The following SP4 variants were observed in gnomAD, a reference collection of about 807,000 sequenced individuals.
SP4 encodes the protein transcription factor Sp4.
In SP4, 19 loss-of-function variants were observed where a neutral mutation model predicts 72.8. The observed-to-expected ratio is 0.26, with a 90% confidence interval of 0.18 to 0.38. The LOEUF (loss-of-function observed/expected upper bound fraction) is 0.38, where lower values mean the gene tolerates loss of function less well. SP4 is among the 10% of genes least tolerant of loss of function. The pLI is 1.00. For synonymous variants in SP4, 395 were observed against 333.1 expected, an observed-to-expected ratio of 1.19 and a Z score of -2.02; for missense variants, 1,008 against 926.3, an observed-to-expected ratio of 1.09 and a Z score of -1.14.
intron 5 of SP4, among the ~76,000 whole-genome samples, chr7:21,503,217 A>G (rs10234568): frequency 6.6e-6 from 1 of 152,202 alleles, no homozygotes; most frequent in Non-Finnish European, 1.5e-5. Context: ...AAGGGATGAC[A>G]GGGTGGAGTA....
At position 21,477,295 on chromosome 7, in the gene SP4, AAGG is replaced by A; in HGVS notation, c.1898_1900del (p.Gly633del). ...GCCTGTTCCTGTCCTAATTGTAGGG[AAGG>A]AGAAGGAAGGTAAATGCTGTATTTT... On this transcript the variant is annotated inframe_deletion, in exon 4 of 6. Coordinates refer to ENST00000222584, the MANE Select transcript of SP4 (RefSeq NM_003112.5). 6.2e-7 allele frequency: 1 copy of A among 1,606,510 alleles called. No homozygotes were observed. Among genetic ancestry groups the A allele is most frequent in the Middle Eastern group, 1.7e-4 (1 of 6,048 alleles).
At chr7:21,490,415 AC>A (rs1454863641) in intron 5 of SP4, among the ~76,000 whole-genome samples, 2 of 152,194 alleles carry the variant, frequency 1.3e-5, no homozygotes, top group African/African-American at 4.8e-5. Flanking sequence ...TCTAGAAAAT[AC>A]CCATATCTCT....
At chr7:21,505,744 G>A (rs1435506028) in intron 5 of SP4, among the ~76,000 whole-genome samples, 2 of 152,138 alleles carry the variant, frequency 1.3e-5, no homozygotes, top group Non-Finnish European at 2.9e-5. Context: ...AGATCTTGTA[G>A]CAATCTATAC....
intron 5 of SP4, among the ~76,000 whole-genome samples, chr7:21,505,313 G>C (rs528242013): frequency 6.6e-6 from 1 of 152,272 alleles, no homozygotes; most frequent in East Asian, 1.9e-4. Flanking sequence ...ACTGCAGTTT[G>C]TTCTTAGATA....
At chr7:21,510,098 A>G (rs1465556650) in intron 5 of SP4, among the ~76,000 whole-genome samples, 1 of 152,168 alleles carries the variant, frequency 6.6e-6, no homozygotes, top group East Asian at 1.9e-4. Context: ...GTTATCTCCC[A>G]CTGGGTCCCT....
chr7:21,469,931 A>G (rs1562607980), intron 3 of SP4, among the ~76,000 whole-genome samples: 1 of 152,132 alleles, frequency 6.6e-6, no homozygotes, highest in Non-Finnish European at 1.5e-5. Flanking sequence ...AGCAAATGTC[A>G]TAGGAGAAAT....
intron 5 of SP4, among the ~76,000 whole-genome samples, chr7:21,507,044 A>G (rs924029715): frequency 1.3e-5 from 2 of 151,760 alleles, no homozygotes; most frequent in African/African-American, 4.8e-5. Flanking sequence ...GGTCATGTCC[A>G]CTCTCCTGAT....
Position 21,445,136 on chromosome 7 carries a change from A to G in SP4, c.1678+14293A>G, listed in dbSNP as rs540839462. On this transcript the variant is annotated intron_variant, in intron 3 of 5. Transcript: ENST00000222584. ...ATGAAAAAACACAGATTCTAAGAAT[A>G]TAAGCGCAATAAGAGTATGTATTCT... Among the ~76,000 whole-genome samples, 11 of 152,342 alleles carry G rather than the reference A, an allele frequency of 7.2e-5. No individual in the cohort carries two copies. The East Asian group carries it at 2.1e-3, about 29-fold the overall frequency.
At chr7:21,429,156 T>C (rs1427617745) in intron 2 of SP4, 133 bp from the exon 3 acceptor site, 17 of 601,904 alleles carry the variant, frequency 2.8e-5, no homozygotes, top group Non-Finnish European at 5.0e-5. Flanking sequence ...GTATTTCTTT[T>C]TGATTTCTGC....
At chr7:21,450,730 T>C (rs1206861904) in intron 3 of SP4, among the ~76,000 whole-genome samples, 1 of 152,222 alleles carries the variant, frequency 6.6e-6, no homozygotes, top group Non-Finnish European at 1.5e-5. Context: ...ATATACTACA[T>C]ACTAGCTTGT....
At chr7:21,443,970 G>A (rs1783341946) in intron 3 of SP4, among the ~76,000 whole-genome samples, 1 of 152,174 alleles carries the variant, frequency 6.6e-6, no homozygotes, top group Non-Finnish European at 1.5e-5. Context: ...GTTAGTATAG[G>A]TTTTTAAAGT....
intron 3 of SP4, among the ~76,000 whole-genome samples, chr7:21,472,591 C>T (rs1236789773): frequency 6.6e-6 from 1 of 152,004 alleles, no homozygotes; most frequent in Non-Finnish European, 1.5e-5. Context: ...CTGCACCTGG[C>T]TGATAAATCT....
intron 5 of SP4, among the ~76,000 whole-genome samples, chr7:21,493,282 A>C (rs1461165326): frequency 2.0e-5 from 3 of 152,222 alleles, no homozygotes; most frequent in Non-Finnish European, 2.9e-5. Context: ...AAATCCCTAA[A>C]TATCTAGAAA....
intron 5 of SP4, among the ~76,000 whole-genome samples, chr7:21,491,747 A>G (rs541032669): frequency 7.0e-4 from 106 of 152,348 alleles, no homozygotes; most frequent in African/African-American, 2.4e-3. Flanking sequence ...ACTATCAACT[A>G]TCAACTCACC....
At chr7:21,484,429 C>A (rs1784762181) in intron 5 of SP4, among the ~76,000 whole-genome samples, 1 of 151,828 alleles carries the variant, frequency 6.6e-6, no homozygotes, top group Non-Finnish European at 1.5e-5. Context: ...GATTTTGGAG[C>A]AATTTGGATT....
chr7:21,498,716 A>T (rs1781786494), intron 5 of SP4, among the ~76,000 whole-genome samples: 1 of 152,218 alleles, frequency 6.6e-6, no homozygotes, highest in African/African-American at 2.4e-5. Context: ...TAGAAGCCTT[A>T]ATGATCATAG....
chr7:21,443,113 CAT>C lies in SP4; in HGVS notation c.1678+12271_1678+12272del, dbSNP rs1317559860. Among the ~76,000 whole-genome samples the C allele has an allele frequency of 3.3e-5, 5 of 152,146 alleles. No individual in the cohort carries two copies. The East Asian group carries it at 5.8e-4, about 18-fold the overall frequency. On this transcript the variant is annotated intron_variant, in intron 3 of 5. Transcript: ENST00000222584. ...CATATAAAAGTTGAATTGTGAGCCT[CAT>C]GTGAGTAGAGTCTGTGTTATATATG...
chr7:21,486,502 T>C (rs1784815144), intron 5 of SP4, among the ~76,000 whole-genome samples: 1 of 152,144 alleles, frequency 6.6e-6, no homozygotes, highest in South Asian at 2.1e-4. Flanking sequence ...TCCTTGTCTT[T>C]TATCACCTGG....
intron 3 of SP4, among the ~76,000 whole-genome samples, chr7:21,434,356 C>T (rs1488630741): frequency 6.6e-6 from 1 of 152,134 alleles, no homozygotes; most frequent in African/African-American, 2.4e-5. Context: ...TCTAATGAAA[C>T]CAGTACTTGA....
Sources: allele counts gnomAD v4.1 joint callset (sites outside exome capture counted in the v4.1 genomes callset), GRCh38; gene constraint gnomAD v4.1.1; transcripts MANE v1.5; gene names NCBI Gene and HGNC (gene_info 2026-07-23, HGNC 2026-07-21).